KCNQ5: variants seen among roughly 807,000 people sequenced by gnomAD.
KCNQ5 encodes potassium voltage-gated channel subfamily Q member 5.
In KCNQ5, 30 loss-of-function variants were observed where a neutral mutation model predicts 98.2. The observed-to-expected ratio is 0.31, with a 90% CI of 0.23 to 0.41. The LOEUF is 0.41. Among genes scored for constraint, KCNQ5 ranks in the 10% least tolerant of loss-of-function variants. The pLI is 1.00. For missense variants in KCNQ5, 835 were observed against 1,182.5 expected (o/e 0.71, Z 4.31); for synonymous variants, 458 against 449.4 (o/e 1.02, Z -0.24).
At chr6:72,717,146 G>A (rs542074405) in intron 1 of KCNQ5, among the ~76,000 whole-genome samples, 2 of 152,326 alleles carry the variant, frequency 1.3e-5, no homozygotes, top group South Asian at 4.1e-4. Context: ...TGTCACAGCA[G>A]GAAGTGCCAG....
chr6:72,670,324 C>G (rs1265628190), intron 1 of KCNQ5, among the ~76,000 whole-genome samples: 1 of 152,134 alleles, frequency 6.6e-6, no homozygotes, highest in Non-Finnish European at 1.5e-5. Flanking sequence ...TCTTTGTGAG[C>G]TTTCACCAGT....
At chr6:72,961,472 A>C (rs887539403) in intron 1 of KCNQ5, among the ~76,000 whole-genome samples, 2 of 151,928 alleles carry the variant, frequency 1.3e-5, no homozygotes, top group African/African-American at 2.4e-5. Flanking sequence ...AGAAAAAAAA[A>C]TTAGCCGGGC....
rs143989740 is a variant in KCNQ5 at position 72,791,833 on chromosome 6, C to G, written c.398+169246C>G. On this transcript the variant is annotated intron_variant, in intron 1 of 13. Transcript: ENST00000370398. Reference sequence around the variant, plus strand: ...CGCAGGAGAGATGGAAGGGGCCAAACTCATCCTTCATAAGGATGCCACTTC... The same window carrying G: ...CGCAGGAGAGATGGAAGGGGCCAAAGTCATCCTTCATAAGGATGCCACTTC... 2.6e-5 allele frequency among the ~76,000 whole-genome samples: 4 copies of G among 152,150 alleles called. No individual in the cohort carries two copies. The South Asian group carries it at 8.3e-4, about 32-fold the overall frequency.
intron 5 of KCNQ5, among the ~76,000 whole-genome samples, chr6:73,100,069 T>C (rs1028922727): frequency 6.6e-6 from 1 of 152,138 alleles, no homozygotes; most frequent in Admixed American, 6.5e-5. Context: ...CACATGTAAA[T>C]TAAACAATAT....
At chr6:72,898,224 A>G (rs1183225962) in intron 1 of KCNQ5, among the ~76,000 whole-genome samples, 1 of 152,044 alleles carries the variant, frequency 6.6e-6, no homozygotes, top group Non-Finnish European at 1.5e-5. Context: ...ACATAGGTAT[A>G]TGTGTGCCAT....
chr6:72,627,414 G>A (rs1041296234), intron 1 of KCNQ5, among the ~76,000 whole-genome samples: 1 of 152,178 alleles, frequency 6.6e-6, no homozygotes, highest in Non-Finnish European at 1.5e-5. Flanking sequence ...CCGAGGGAAA[G>A]CCTGGGAGAT....
intron 1 of KCNQ5, among the ~76,000 whole-genome samples, chr6:72,737,577 G>A (rs1582197344): frequency 6.6e-6 from 1 of 152,136 alleles, no homozygotes; most frequent in East Asian, 1.9e-4. Flanking sequence ...TTCTACCTGC[G>A]AATTTTGGCT....
chr6:72,826,512 A>T (rs1376046547), intron 1 of KCNQ5, among the ~76,000 whole-genome samples: 1 of 152,004 alleles, frequency 6.6e-6, no homozygotes, highest in African/African-American at 2.4e-5. Context: ...AAATATATTC[A>T]TGCTTATGTT....
At chr6:73,158,267 T>TTTTTG (rs1777460649) in intron 10 of KCNQ5, 3 of 169,294 alleles carry the variant, frequency 1.8e-5, no homozygotes, top group African/African-American at 7.4e-5. Flanking sequence ...TTTTTTTTTT[T>TTTTTG]TTTTTTTTTT....
chr6:73,119,847 T>C (rs1775671525), intron 7 of KCNQ5, among the ~76,000 whole-genome samples: 1 of 152,220 alleles, frequency 6.6e-6, no homozygotes, highest in Non-Finnish European at 1.5e-5. Flanking sequence ...CAATCATTAC[T>C]TTTTGTTTTG....
Position 72,800,714 on chromosome 6 carries a change from T to C in KCNQ5, c.398+178127T>C, listed in dbSNP as rs1774599736. 3.9e-5 allele frequency among the ~76,000 whole-genome samples: 6 copies of C among 152,208 alleles called. No individual in the cohort carries two copies. In the South Asian group the frequency reaches 1.2e-3, roughly 31 times the overall value. ...GCTTTTCTAGTTCTTTTAATTGTGA[T>C]GTTAGGGTGTCAATTTTGGATCTTT... On this transcript the variant is annotated intron_variant, in intron 1 of 13. Coordinates refer to ENST00000370398, the MANE Select transcript of KCNQ5 (RefSeq NM_019842.4).
intron 2 of KCNQ5, among the ~76,000 whole-genome samples, chr6:73,036,576 T>C (rs1771443992): frequency 6.6e-6 from 1 of 152,140 alleles, no homozygotes; most frequent in East Asian, 1.9e-4. Flanking sequence ...AAAAATGTTA[T>C]ATAAATGGAA....
intron 1 of KCNQ5, among the ~76,000 whole-genome samples, chr6:72,877,372 T>C (rs1277187512): frequency 6.6e-6 from 1 of 152,216 alleles, no homozygotes; most frequent in Non-Finnish European, 1.5e-5. Flanking sequence ...GCTTCATCCA[T>C]GTCCCTGCAA....
chr6:72,936,897 C>T (rs1765946330), intron 1 of KCNQ5, among the ~76,000 whole-genome samples: 1 of 152,148 alleles, frequency 6.6e-6, no homozygotes, highest in Non-Finnish European at 1.5e-5. Context: ...TATCATCATA[C>T]AGATGTGTTC....
intron 1 of KCNQ5, among the ~76,000 whole-genome samples, chr6:72,731,690 C>A (rs144685385): frequency 6.6e-6 from 1 of 152,306 alleles, no homozygotes; most frequent in Non-Finnish European, 1.5e-5. Flanking sequence ...TCTTCTAATA[C>A]TTTCCAAGAA....
At chr6:72,631,720 T>C (rs181616078) in intron 1 of KCNQ5, among the ~76,000 whole-genome samples, 1 of 152,312 alleles carries the variant, frequency 6.6e-6, no homozygotes, top group Admixed American at 6.5e-5. Flanking sequence ...TTAGGCCATA[T>C]GTTCACTTAG....
At chr6:72,850,999 TTAAAACCCTCAAAATA>T (rs1262380693) in intron 1 of KCNQ5, among the ~76,000 whole-genome samples, 1 of 152,146 alleles carries the variant, frequency 6.6e-6, no homozygotes, top group African/African-American at 2.4e-5. Context: ...TGCAAGGATA[TTAAAACCCTCAAAATA>T]ATAGTCTGCT....
intron 1 of KCNQ5, among the ~76,000 whole-genome samples, chr6:72,772,436 A>G (rs558660601): frequency 6.6e-6 from 1 of 152,296 alleles, no homozygotes; most frequent in South Asian, 2.1e-4. Flanking sequence ...TAAATTGTCA[A>G]GTGGCTTTAT....
chr6:72,937,702 G>T (rs4587134), intron 1 of KCNQ5, among the ~76,000 whole-genome samples: 1 of 152,060 alleles, frequency 6.6e-6, no homozygotes, highest in Admixed American at 6.5e-5. Flanking sequence ...ATTAACAAGA[G>T]AAAAATGTGT....
Sources: allele counts gnomAD v4.1 joint callset (sites outside exome capture counted in the v4.1 genomes callset), GRCh38; gene constraint gnomAD v4.1.1; transcripts MANE v1.5; gene names NCBI Gene and HGNC (gene_info 2026-07-23, HGNC 2026-07-21).